Variants in FAM222B observed in about 807,000 individuals in gnomAD.
FAM222B encodes protein FAM222B.
A neutral mutation model predicts 38.0 loss-of-function variants in FAM222B; 12 were observed. The observed-to-expected ratio is 0.32, with a 90% CI of 0.20 to 0.51. The LOEUF is 0.51. Ranked by LOEUF, FAM222B falls within the 20% of genes least tolerant of loss-of-function variation. The pLI is 0.97. For missense variants in FAM222B, 716 were observed against 754.2 expected (o/e 0.95, Z 0.59); for synonymous variants, 329 against 317.2 (o/e 1.04, Z -0.40).
intron 1 of FAM222B, among the ~76,000 whole-genome samples, chr17:28,802,130 C>T (rs2037263872): frequency 6.7e-6 from 1 of 149,194 alleles, no homozygotes; most frequent in African/African-American, 2.5e-5. Flanking sequence ...ACTCTGTGGC[C>T]CAGGTGCAAT....
chr17:28,795,136 C>T (rs1291447885), intron 1 of FAM222B, among the ~76,000 whole-genome samples: 1 of 151,564 alleles, frequency 6.6e-6, no homozygotes, highest in Admixed American at 6.6e-5. Context: ...GCAAAAGAGA[C>T]GTGTCCTCAG....
chr17:28,853,430 G>A (rs1409208059), intron 1 of FAM222B, among the ~76,000 whole-genome samples: 1 of 151,996 alleles, frequency 6.6e-6, no homozygotes, highest in Admixed American at 6.6e-5. Context: ...ATACAGTGGT[G>A]TCTTCCCAGG....
chr17:28,773,563 C>A (rs2035742710), intron 1 of FAM222B, among the ~76,000 whole-genome samples: 1 of 150,624 alleles, frequency 6.6e-6, no homozygotes, highest in African/African-American at 2.4e-5. Context: ...CTTTGGGAGG[C>A]CAAGGTGGGA....
At chr17:28,771,655 C>T (rs896333811) in intron 1 of FAM222B, among the ~76,000 whole-genome samples, 4 of 151,902 alleles carry the variant, frequency 2.6e-5, no homozygotes, top group Admixed American at 6.6e-5. Context: ...CACACCAGCC[C>T]GGGAAACAGT....
intron 1 of FAM222B, among the ~76,000 whole-genome samples, chr17:28,782,502 T>G (rs1009569781): frequency 6.6e-6 from 1 of 152,208 alleles, no homozygotes; most frequent in Non-Finnish European, 1.5e-5. Context: ...ACATAAATTT[T>G]GTGGTATTCA....
chr17:28,760,627 C>A (rs1022911969), intron 2 of FAM222B, among the ~76,000 whole-genome samples: 5 of 151,902 alleles, frequency 3.3e-5, no homozygotes, highest in African/African-American at 4.8e-5. Flanking sequence ...TGGAACTCTA[C>A]CAGCCCATGT....
intron 1 of FAM222B, among the ~76,000 whole-genome samples, chr17:28,829,823 GATAA>G (rs2038595936): frequency 2.0e-5 from 3 of 151,914 alleles, no homozygotes; most frequent in South Asian, 2.1e-4. Flanking sequence ...ATTTCACTTG[GATAA>G]ATACTTAGGT....
intron 1 of FAM222B, among the ~76,000 whole-genome samples, chr17:28,774,699 T>C (rs1265628212): frequency 6.6e-6 from 1 of 152,096 alleles, no homozygotes; most frequent in Non-Finnish European, 1.5e-5. Flanking sequence ...GCCTTCAGGG[T>C]AGATTTGTGC....
intron 1 of FAM222B, chr17:28,854,943 G>T: frequency 7.0e-7 from 1 of 1,436,730 alleles, no homozygotes. Flanking sequence ...AATTTGGGCA[G>T]ACCTACCTCT....
At chr17:28,761,932 C>G (rs1415242381) in intron 2 of FAM222B, 2 of 152,254 alleles carry the variant, frequency 1.3e-5, no homozygotes, top group Non-Finnish European at 2.9e-5. Flanking sequence ...ACCTAGCCCA[C>G]CTCCATGCTG....
At chr17:28,805,048 G>GA (rs1005549972) in intron 1 of FAM222B, among the ~76,000 whole-genome samples, 43 of 140,704 alleles carry the variant, frequency 3.1e-4, no homozygotes, top group South Asian at 4.5e-4. Flanking sequence ...TCCATCTCAG[G>GA]AAAAAAAAAA....
upstream of FAM222B, among the ~76,000 whole-genome samples, chr17:28,846,403 C>A (rs913915839): frequency 2.0e-5 from 3 of 151,080 alleles, no homozygotes; most frequent in Non-Finnish European, 4.4e-5. Context: ...ATGTTCAGGC[C>A]AGGTACGGTG....
At chr17:28,790,884 C>CTTTTTTTTTTTTTTTTTTTTTTTTT (rs60664262) in intron 1 of FAM222B, among the ~76,000 whole-genome samples, 1 of 86,060 alleles carries the variant, frequency 1.2e-5, no homozygotes, top group Non-Finnish European at 2.2e-5. Context: ...AATTGTTTCA[C>CTTTTTTTTTTTTTTTTTTTTTTTTT]TTTTTTTTTT....
At chr17:28,783,002 G>T (rs1383939417) in intron 1 of FAM222B, among the ~76,000 whole-genome samples, 1 of 151,944 alleles carries the variant, frequency 6.6e-6, no homozygotes, top group Non-Finnish European at 1.5e-5. Context: ...GCCGGGTGAG[G>T]CGGTGGGTGC....
upstream of FAM222B, among the ~76,000 whole-genome samples, chr17:28,845,577 CA>C (rs573364385): frequency 2.0e-4 from 26 of 128,834 alleles, no homozygotes; most frequent in African/African-American, 3.7e-4. Flanking sequence ...GACTCTGTCT[CA>C]AAAAAAAAAG....
chr17:28,800,377 T>C (rs1002970856), intron 1 of FAM222B, among the ~76,000 whole-genome samples: 2 of 152,192 alleles, frequency 1.3e-5, no homozygotes, highest in Admixed American at 1.3e-4. Flanking sequence ...TGAGCAGATG[T>C]GGACAGATGT....
At chr17:28,820,487 T>C (rs2038170567) in intron 1 of FAM222B, among the ~76,000 whole-genome samples, 1 of 152,190 alleles carries the variant, frequency 6.6e-6, no homozygotes, top group Non-Finnish European at 1.5e-5. Flanking sequence ...TCAGTGTCTT[T>C]TGTGTGTGAG....
intron 1 of FAM222B, among the ~76,000 whole-genome samples, chr17:28,791,149 A>T (rs554021152): frequency 6.6e-6 from 1 of 151,788 alleles, no homozygotes; most frequent in South Asian, 2.1e-4. Flanking sequence ...TGATGTCGTG[A>T]TCTGCCCACC....
At chr17:28,836,815 TTTAC>T (rs1271462339) in intron 1 of FAM222B, among the ~76,000 whole-genome samples, 2 of 152,264 alleles carry the variant, frequency 1.3e-5, no homozygotes, top group African/African-American at 4.8e-5. Context: ...CCTTTTAGTT[TTTAC>T]TTCTTTCTTT....
Sources: allele counts gnomAD v4.1 joint callset (sites outside exome capture counted in the v4.1 genomes callset), GRCh38; gene constraint gnomAD v4.1.1; transcripts MANE v1.5; gene names NCBI Gene and HGNC (gene_info 2026-07-23, HGNC 2026-07-21).